The following LRFN2 variants were observed in gnomAD, a reference collection of about 807,000 sequenced individuals.
The protein encoded by LRFN2 is leucine-rich repeat and fibronectin type-III domain-containing protein 2.
In LRFN2, 18 loss-of-function variants were observed where a neutral mutation model predicts 37.3. The observed-to-expected ratio is 0.48, with a 90% CI of 0.33 to 0.72. LRFN2 has a LOEUF of 0.72. LRFN2 is among the 30% of genes least tolerant of loss of function. The pLI, the probability that LRFN2 is intolerant of heterozygous loss-of-function variation, is 0.02. For synonymous variants in LRFN2, 556 were observed against 466.6 expected (o/e 1.19, Z -2.47); for missense variants, 1,006 against 1,060.7 (o/e 0.95, Z 0.72).
chr6:40,440,029 T>C (rs1452313271), intron 1 of LRFN2, among the ~76,000 whole-genome samples: 1 of 152,068 alleles, frequency 6.6e-6, no homozygotes, highest in East Asian at 1.9e-4. Flanking sequence ...TTCCCTGTTC[T>C]TTCCCCAAAC....
chr6:40,553,146 C>A (rs1425131773), intron 1 of LRFN2, among the ~76,000 whole-genome samples: 2 of 152,156 alleles, frequency 1.3e-5, no homozygotes, highest in Non-Finnish European at 2.9e-5. Context: ...CTTTTCTCAG[C>A]CACTTCTAGT....
chr6:40,540,593 A>G (rs1164114095), intron 1 of LRFN2, among the ~76,000 whole-genome samples: 2 of 152,178 alleles, frequency 1.3e-5, no homozygotes, highest in Non-Finnish European at 2.9e-5. Flanking sequence ...GGGAAGGAAG[A>G]TCTTGCCCTG....
At chr6:40,440,427 A>G (rs1444975999) in intron 1 of LRFN2, among the ~76,000 whole-genome samples, 2 of 152,224 alleles carry the variant, frequency 1.3e-5, no homozygotes, top group Non-Finnish European at 2.9e-5. Context: ...CGATGGTAGC[A>G]AATCCAGTAC....
intron 1 of LRFN2, among the ~76,000 whole-genome samples, chr6:40,526,065 T>C (rs1308984287): frequency 1.3e-5 from 2 of 152,252 alleles, no homozygotes; most frequent in African/African-American, 4.8e-5. Flanking sequence ...TTCTCGGCTA[T>C]GTGCAGGGCA....
chr6:40,462,716 AC>A (rs751434820), intron 1 of LRFN2, among the ~76,000 whole-genome samples: 11 of 152,146 alleles, frequency 7.2e-5, no homozygotes, highest in Non-Finnish European at 1.5e-4. Context: ...CAATAATCCT[AC>A]ATCTCCATTT....
At chr6:40,486,900 G>A (rs1394981569) in intron 1 of LRFN2, among the ~76,000 whole-genome samples, 1 of 152,172 alleles carries the variant, frequency 6.6e-6, no homozygotes, top group African/African-American at 2.4e-5. Flanking sequence ...TTTTATTTTA[G>A]GAAGAGTAGG....
chr6:40,531,688 A>G (rs1389483594), intron 1 of LRFN2, among the ~76,000 whole-genome samples: 1 of 152,090 alleles, frequency 6.6e-6, no homozygotes, highest in Non-Finnish European at 1.5e-5. Flanking sequence ...CATGGTCTTC[A>G]GTTCCTGCTG....
intron 1 of LRFN2, among the ~76,000 whole-genome samples, chr6:40,520,523 G>T (rs903865547): frequency 6.6e-6 from 1 of 152,196 alleles, no homozygotes; most frequent in Non-Finnish European, 1.5e-5. Flanking sequence ...TAACCATCCA[G>T]CCATCTGTCC....
At chr6:40,523,365 C>T (rs1249251752) in intron 1 of LRFN2, among the ~76,000 whole-genome samples, 1 of 152,120 alleles carries the variant, frequency 6.6e-6, no homozygotes, top group East Asian at 1.9e-4. Context: ...TGGGGCACAC[C>T]CCACCCACGC....
chr6:40,418,379 A>G (rs984079144), intron 2 of LRFN2, among the ~76,000 whole-genome samples: 7 of 151,814 alleles, frequency 4.6e-5, no homozygotes, highest in East Asian at 1.9e-4. Context: ...TGAACTTTTC[A>G]TCTCTCCCCC....
chr6:40,559,205 G>T (rs541386983), intron 1 of LRFN2, among the ~76,000 whole-genome samples: 1 of 152,218 alleles, frequency 6.6e-6, no homozygotes, highest in African/African-American at 2.4e-5. Flanking sequence ...TGGGCCTGAT[G>T]GGGAGGGGTC....
chr6:40,439,379 C>T (rs1672806565), intron 1 of LRFN2, among the ~76,000 whole-genome samples: 1 of 152,166 alleles, frequency 6.6e-6, no homozygotes, highest in African/African-American at 2.4e-5. Context: ...TCTTTCCAGA[C>T]TTCCCCTCCC....
intron 1 of LRFN2, among the ~76,000 whole-genome samples, chr6:40,565,222 A>G (rs548164464): frequency 3.9e-4 from 59 of 152,162 alleles, no homozygotes; most frequent in African/African-American, 1.3e-3. Context: ...CCACTGCTCA[A>G]TGAAATAAAA....
rs1267071847 is a variant in LRFN2, at chr6:40,577,811, AAAT to A, written c.-19+9127_-19+9129del. On this transcript the variant is annotated intron_variant, in intron 1 of 2. Coordinates refer to ENST00000338305, the MANE Select transcript of LRFN2 (RefSeq NM_020737.3). Reference sequence around the variant, plus strand: ...AAAAAATAAATAAATAAATAAATAAAAATTAAAAAAAATAAAAATAAATAAAAA... The same window carrying A: ...AAAAAATAAATAAATAAATAAATAAATAAAAAAAATAAAAATAAATAAAAA... Among the ~76,000 whole-genome samples the A allele has an allele frequency of 5.7e-5, 6 of 106,146 alleles. No homozygotes were observed. In the East Asian group the frequency reaches 1.3e-3, roughly 23 times the overall value. The allele number at this position is 106,146 out of a possible 152,430, so 69.6% of individuals were successfully genotyped here.
At chr6:40,506,156 G>A (rs1229111283) in intron 1 of LRFN2, among the ~76,000 whole-genome samples, 1 of 152,184 alleles carries the variant, frequency 6.6e-6, no homozygotes, top group African/African-American at 2.4e-5. Context: ...CAGAAGGAAG[G>A]AAAGCTTCTC....
rs543665046 is a variant in LRFN2 at position 40,409,656 on chromosome 6, G to A, written c.1401-16744C>T. ...ACACTACCACCTCCCCCAAAGGACC[G>A]TCTGGAAAACCTAAGACGCACATCT... On this transcript the variant is annotated intron_variant, in intron 2 of 2. Transcript: ENST00000338305. Among the ~76,000 whole-genome samples, 9 of 152,280 alleles carry A rather than the reference G, an allele frequency of 5.9e-5. No individual in the cohort carries two copies. In the East Asian group the frequency reaches 1.2e-3, roughly 20 times the overall value.
chr6:40,544,810 A>C (rs1766625862), intron 1 of LRFN2, among the ~76,000 whole-genome samples: 2 of 152,176 alleles, frequency 1.3e-5, no homozygotes, highest in Admixed American at 1.3e-4. Context: ...CTGCCAACTC[A>C]GTGACCAGCG....
At chr6:40,576,148 A>G (rs1305949260) in intron 1 of LRFN2, among the ~76,000 whole-genome samples, 1 of 152,224 alleles carries the variant, frequency 6.6e-6, no homozygotes, top group Admixed American at 6.5e-5. Context: ...GGTCCAAAGA[A>G]GACAGGTATG....
At chr6:40,441,309 G>A (rs1185960997) in intron 1 of LRFN2, among the ~76,000 whole-genome samples, 1 of 152,188 alleles carries the variant, frequency 6.6e-6, no homozygotes, top group Non-Finnish European at 1.5e-5. Context: ...GCGGAGGCTA[G>A]AATGTGAATG....
Sources: gnomAD v4.1 joint callset for allele counts (sites outside exome capture counted in the v4.1 genomes callset) on GRCh38, gnomAD v4.1.1 for gene constraint, MANE v1.5 for transcripts, NCBI Gene and HGNC (gene_info 2026-07-23, HGNC 2026-07-21) for gene names.